MAP10: variants seen among roughly 807,000 people sequenced by gnomAD.
The protein encoded by MAP10 is microtubule associated protein 10.
MAP10 carries 10 observed loss-of-function variants against 6.3 expected under a neutral mutation model. That is an observed-to-expected ratio of 1.58 (90% CI 0.98 to 2.69). The LOEUF (loss-of-function observed/expected upper bound fraction) is 2.69, where lower values mean the gene tolerates loss of function less well. Ranked by LOEUF, MAP10 falls within the 30% of genes most tolerant of loss-of-function variation. The pLI, the probability that MAP10 is intolerant of heterozygous loss-of-function variation, is 0.00. For synonymous variants in MAP10, 459 were observed against 429.3 expected (o/e 1.07, Z -0.86); for missense variants, 1,189 against 1,086.5 (o/e 1.09, Z -1.33).
chr1:232,806,620 A>G lies in MAP10; in HGVS notation c.1171A>G (p.Thr391Ala). 1 of 1,613,924 alleles carries G rather than the reference A, an allele frequency of 6.2e-7. No individual in the cohort carries two copies. Among genetic ancestry groups the G allele is most frequent in the Non-Finnish European group, 8.5e-7 (1 of 1,179,866 alleles). ...TCAAACTGAACAAAATCGAATTAAT[A>G]CAATAAGGCAGTTGCCTTTGTTAAA... ...TCQTEQNRIN[T>A]IRQLPLLNAL... The change falls in exon 1 of 1, where the codon ACA (threonine) becomes GCA (alanine). Residue 391 changes from threonine (T) to alanine (A), a missense_variant. Coordinates refer to ENST00000418460, the MANE Select transcript of MAP10 (RefSeq NM_019090.3).
the MAP10 span, chr1:232,806,810 T>TG: frequency 8.7e-6 from 14 of 1,613,248 alleles, no homozygotes; most frequent in East Asian, 2.5e-4. Context: ...AAGCGTTCTG[T>TG]GGGGGGATGT....
chr1:232,807,053 AAT>A, the MAP10 span: 1 of 1,612,960 alleles, frequency 6.2e-7, no homozygotes, highest in East Asian at 2.2e-5. Context: ...TTGGGTACAA[AAT>A]TCAGAATTCC....
Position 232,806,579 on chromosome 1 carries a change from C to A in MAP10, c.1130C>A (p.Ala377Glu). 1 of 1,613,886 alleles carries A rather than the reference C, an allele frequency of 6.2e-7. No homozygotes were observed. The highest frequency in any genetic ancestry group is 2.2e-5 in the East Asian group (1 of 44,882). The change falls in exon 1 of 1, where the codon GCA becomes GAA. Residue 377 changes from alanine (A) to glutamate (E), a missense_variant. Coordinates refer to ENST00000418460, the MANE Select transcript of MAP10 (RefSeq NM_019090.3). ...VNPPHIQNIGATNQTCQTEQN... is the reference protein window; with the variant it reads ...VNPPHIQNIGETNQTCQTEQN... ...CCTCCACATATTCAGAATATAGGAGCAACTAATCAAACATGTCAAACTGAA... is the reference window on the plus strand; with the variant it reads ...CCTCCACATATTCAGAATATAGGAGAAACTAATCAAACATGTCAAACTGAA...
In MAP10 at chr1:232,806,767, A is replaced by C. The variant is rs780867095; in HGVS notation, c.1318A>C (p.Lys440Gln). ...TAAGAAGTCACCCGAATCTTCTGCC[A>C]AATCCACATGCCGGTCTGAAGCCAA... ...EDKKSPESSAKSTCRSEAKKD... is the reference protein window; with the variant it reads ...EDKKSPESSAQSTCRSEAKKD... Residue 440 changes from lysine (K) to glutamine (Q), a missense_variant, in exon 1 of 1, where the codon AAA becomes CAA. By Grantham distance (53) the Lys-to-Gln change is moderately conservative. Coordinates refer to ENST00000418460, the MANE Select transcript of MAP10 (RefSeq NM_019090.3). The C allele has an allele frequency of 1.2e-6, 2 of 1,613,854 alleles. No homozygotes were observed. The highest frequency in any genetic ancestry group is 1.7e-6 in the Non-Finnish European group (2 of 1,179,856).
At position 232,806,392 on chromosome 1, in the gene MAP10, C is replaced by T. The variant is rs777230519; in HGVS notation, c.943C>T (p.Pro315Ser). The T allele has an allele frequency of 1.2e-6, 2 of 1,613,826 alleles. No individual in the cohort carries two copies. The highest frequency in any genetic ancestry group is 1.7e-6 in the Non-Finnish European group (2 of 1,179,872). The change falls in exon 1 of 1, where the codon CCC becomes TCC. Residue 315 changes from proline to serine, a missense_variant. Transcript: ENST00000418460. ...YYTNLTQEKP[P>S]PAQAKITIEP... ...CACTAACTTGACCCAAGAAAAACCGCCCCCTGCACAGGCTAAAATCACCAT... is the reference window on the plus strand; with the variant it reads ...CACTAACTTGACCCAAGAAAAACCGTCCCCTGCACAGGCTAAAATCACCAT...
In MAP10 at chr1:232,806,234, T is replaced by C. The variant is rs1284352591; in HGVS notation, c.785T>C (p.Val262Ala). Residue 262 changes from valine (V) to alanine (A), a missense_variant, in exon 1 of 1, where the codon GTG (valine) becomes GCG (alanine). Val to Ala is a moderately conservative substitution (Grantham distance 64). Transcript: ENST00000418460. Reference sequence around the variant, plus strand: ...GCCGAATGTGATAATGTGGGTTCTGTGGAGAATGGCAAAACCAATTCTGTT... The same window carrying C: ...GCCGAATGTGATAATGTGGGTTCTGCGGAGAATGGCAAAACCAATTCTGTT... ...SKAECDNVGS[V>A]ENGKTNSVVT... The C allele has an allele frequency of 2.5e-6, 4 of 1,613,860 alleles. No individual in the cohort carries two copies. The highest frequency in any genetic ancestry group is 3.4e-6 in the Non-Finnish European group (4 of 1,179,904).
At position 232,805,437 on chromosome 1, in the gene MAP10, T is replaced by G; in HGVS notation, c.-13T>G. Reference sequence around the variant, plus strand: ...TTGCGGAGCCCGCGGCGGCGTTTCCTGGGGCAACAGCAATGGCGGCCTCGC... The same window carrying G: ...TTGCGGAGCCCGCGGCGGCGTTTCCGGGGGCAACAGCAATGGCGGCCTCGC... On this transcript the variant is annotated 5_prime_UTR_variant, in exon 1 of 1. Transcript: ENST00000418460. The G allele has an allele frequency of 1.2e-6, 2 of 1,612,126 alleles. No homozygotes were observed. The highest frequency in any genetic ancestry group is 1.7e-5 in the Admixed American group (1 of 59,798).
rs747985701 is a variant in MAP10 at position 232,805,445 on chromosome 1, C to G, written c.-5C>G. 4 of 1,611,188 alleles carry G rather than the reference C, an allele frequency of 2.5e-6. No homozygotes were observed. Among genetic ancestry groups the G allele is most frequent in the Admixed American group, 1.7e-5 (1 of 59,664 alleles). ...CCCGCGGCGGCGTTTCCTGGGGCAA[C>G]AGCAATGGCGGCCTCGCTGTCCGAG... On this transcript the variant is annotated 5_prime_UTR_variant, in exon 1 of 1. Transcript: ENST00000418460.
chr1:232,807,026 A>G lies in MAP10; in HGVS notation c.1577A>G (p.Lys526Arg), dbSNP rs1261780278. The change falls in exon 1 of 1, where the codon AAA (lysine) becomes AGA (arginine). Residue 526 changes from lysine (K) to arginine (R), a missense_variant. Transcript: ENST00000418460. ...CATGAAAAAAGAGAACTATATAGAAAAAGACAATCACAAATGTTGGGTACA... is the reference window on the plus strand; with the variant it reads ...CATGAAAAAAGAGAACTATATAGAAGAAGACAATCACAAATGTTGGGTACA... ...VVHEKRELYR[K>R]RQSQMLGTKF... is the part of the protein sequence containing the mutation. The G allele has an allele frequency of 6.2e-7, 1 of 1,613,286 alleles. No individual in the cohort carries two copies. Among genetic ancestry groups the G allele is most frequent in the Admixed American group, 1.7e-5 (1 of 59,946 alleles).
rs763498897 is a variant in MAP10 at position 232,807,047 on chromosome 1, G to T, written c.1598G>T (p.Gly533Val). Reference protein sequence around the residue: ...LYRKRQSQMLGTKFRIPSSKV... With the variant: ...LYRKRQSQMLVTKFRIPSSKV... ...AGAAAAAGACAATCACAAATGTTGGGTACAAAATTCAGAATTCCGTCATCC... is the reference window on the plus strand; with the variant it reads ...AGAAAAAGACAATCACAAATGTTGGTTACAAAATTCAGAATTCCGTCATCC... The change falls in exon 1 of 1, where the codon GGT (glycine) becomes GTT (valine). Residue 533 changes from glycine to valine, a missense_variant. Transcript: ENST00000418460. The T allele has an allele frequency of 3.1e-6, 5 of 1,612,718 alleles. No individual in the cohort carries two copies. In the African/African-American group the frequency reaches 6.7e-5, roughly 22 times the overall value.
At chr1:232,805,659 C>G in the MAP10 span, 2 of 1,594,468 alleles carry the variant, frequency 1.3e-6, no homozygotes, top group East Asian at 4.5e-5. Context: ...TGTTGGTTTA[C>G]CCTCCTGACG....
the MAP10 span, chr1:232,807,447 TAGAC>T: frequency 1.7e-5 from 27 of 1,613,692 alleles, no homozygotes; most frequent in East Asian, 4.5e-5. Flanking sequence ...AAATAGATAT[TAGAC>T]AGGTCAAAAC....
At position 232,806,738 on chromosome 1, in the gene MAP10, A is replaced by C. The variant is rs756612275; in HGVS notation, c.1289A>C (p.Glu430Ala). 7.4e-6 allele frequency: 12 copies of C among 1,613,854 alleles called. No individual in the cohort carries two copies. The South Asian group carries it at 1.3e-4, about 18-fold the overall frequency. ...HPHLAWLYRT[E>A]DKKSPESSAK... ...CACCTAGCCTGGTTATATAGGACTG[A>C]GGATAAGAAGTCACCCGAATCTTCT... Residue 430 changes from glutamate to alanine, a missense_variant, in exon 1 of 1, where the codon GAG (glutamate) becomes GCG (alanine). By Grantham distance (107) the Glu-to-Ala change is moderately radical. Coordinates refer to ENST00000418460, the MANE Select transcript of MAP10 (RefSeq NM_019090.3).
chr1:232,806,815 G>T, the MAP10 span: 3 of 1,613,184 alleles, frequency 1.9e-6, no homozygotes, highest in Admixed American at 5.0e-5. Flanking sequence ...TTCTGTGGGG[G>T]GATGTGAAAA....
chr1:232,808,155 A>T lies in MAP10; in HGVS notation c.2706A>T (p.Gly902=), dbSNP rs1265626623. The T allele has an allele frequency of 6.4e-7, 1 of 1,562,212 alleles. No individual in the cohort carries two copies. Among genetic ancestry groups the T allele is most frequent in the Non-Finnish European group, 8.7e-7 (1 of 1,150,096 alleles). ...ICELVINKLP[G]YTM ...AATTAGTAATAAATAAACTTCCAGG[A>T]TACACAATGTAAAAATACATGCTTT... The change falls in exon 1 of 1, where the codon GGA becomes GGT. Residue 902 remains glycine, a synonymous_variant. Transcript: ENST00000418460.
Position 232,805,832 on chromosome 1 carries a change from C to T in MAP10, c.383C>T (p.Thr128Ile). The T allele has an allele frequency of 6.3e-7, 1 of 1,589,678 alleles. No individual in the cohort carries two copies. Among genetic ancestry groups the T allele is most frequent in the Non-Finnish European group, 8.6e-7 (1 of 1,168,320 alleles). ...LQLPPGRPTPTPQLLGACDIS... is the reference protein window; with the variant it reads ...LQLPPGRPTPIPQLLGACDIS... ...CTGCCCCCTGGGCGCCCGACGCCCA[C>T]CCCACAGCTCCTGGGGGCCTGCGAC... The change falls in exon 1 of 1, where the codon ACC (threonine) becomes ATC (isoleucine). Residue 128 changes from threonine to isoleucine, a missense_variant. By Grantham distance (89) the Thr-to-Ile change is moderately conservative. Transcript: ENST00000418460.
chr1:232,807,608 G>A lies in MAP10; in HGVS notation c.2159G>A (p.Ser720Asn). Residue 720 changes from serine (S) to asparagine (N), a missense_variant, in exon 1 of 1, where the codon AGC (serine) becomes AAC (asparagine). Transcript: ENST00000418460. The stretch of plus-strand genomic sequence containing the variant: ...GATTTCTGTACCAGTGAGGACACCA[G>A]CAGAAGTTTCAAAGCTCATGATAGC... Reference protein sequence around the residue: ...SEDFCTSEDTSRSFKAHDSSS... With the variant: ...SEDFCTSEDTNRSFKAHDSSS... 3 of 1,609,792 alleles carry A rather than the reference G, an allele frequency of 1.9e-6. No homozygotes were observed. Among genetic ancestry groups the A allele is most frequent in the Non-Finnish European group, 2.5e-6 (3 of 1,177,718 alleles).
chr1:232,806,355 T>C lies in MAP10; in HGVS notation c.906T>C (p.Pro302=). 1 of 1,613,902 alleles carries C rather than the reference T, an allele frequency of 6.2e-7. No homozygotes were observed. Residue 302 remains proline (P), a synonymous_variant, in exon 1 of 1, where the codon CCT becomes CCC. Coordinates refer to ENST00000418460, the MANE Select transcript of MAP10 (RefSeq NM_019090.3). ...LDMETNIFCP[P]PLYYTNLTQE... Reference sequence around the variant, plus strand: ...TGGAGACCAATATATTTTGCCCTCCTCCTTTGTATTACACTAACTTGACCC... The same window carrying C: ...TGGAGACCAATATATTTTGCCCTCCCCCTTTGTATTACACTAACTTGACCC...
At chr1:232,807,237 T>G in the MAP10 span, 1 of 1,613,272 alleles carries the variant, frequency 6.2e-7, no homozygotes, top group Middle Eastern at 1.7e-4. Flanking sequence ...AACTGAAATA[T>G]GCAACTGAAA....
Sources: gnomAD v4.1 joint callset for allele counts on GRCh38, gnomAD v4.1.1 for gene constraint, MANE v1.5 for transcripts, NCBI Gene and HGNC (gene_info 2026-07-23, HGNC 2026-07-21) for gene names.